Variants in LMO7 observed in about 807,000 individuals in gnomAD.
LMO7 encodes LIM domain only protein 7.
In LMO7, 120 loss-of-function variants were observed where a neutral mutation model predicts 206.5. The ratio of observed to expected loss-of-function variants is 0.58; its 90% CI spans 0.50 to 0.68. The LOEUF (loss-of-function observed/expected upper bound fraction) is 0.68. LMO7 is among the 30% of genes least tolerant of loss of function. The probability of loss-of-function intolerance (pLI) is 0.00; values close to 1 mark genes in which losing one functional copy is unlikely to be tolerated. For missense variants in LMO7, 1,959 were observed against 1,957.9 expected (o/e 1.00, Z -0.01); for synonymous variants, 706 against 681.5 (o/e 1.04, Z -0.56).
At chr13:75,768,627 A>G (rs2049217015) in intron 4 of LMO7, among the ~76,000 whole-genome samples, 1 of 151,920 alleles carries the variant, frequency 6.6e-6, no homozygotes, top group Non-Finnish European at 1.5e-5. Context: ...AAAGCTTCAC[A>G]TTGTTTGTGA....
At chr13:75,705,978 A>G (rs1263704838) in intron 1 of LMO7, among the ~76,000 whole-genome samples, 1 of 149,578 alleles carries the variant, frequency 6.7e-6, no homozygotes, top group Non-Finnish European at 1.5e-5. Context: ...CTTTCATTCT[A>G]CAGATGGATA....
At chr13:75,848,619 GTATA>G (rs34428363) in intron 26 of LMO7, among the ~76,000 whole-genome samples, 1 of 146,214 alleles carries the variant, frequency 6.8e-6, no homozygotes, top group Non-Finnish European at 1.5e-5. Context: ...TGGATACCCA[GTATA>G]TATATATATA....
intron 25 of LMO7, among the ~76,000 whole-genome samples, chr13:75,845,049 A>C (rs2059880109): frequency 6.6e-6 from 1 of 152,204 alleles, no homozygotes; most frequent in Admixed American, 6.5e-5. Context: ...ACAATTGATC[A>C]ATAACTTATA....
In LMO7 at chr13:75,684,975, ATCT is replaced by A. The variant is rs1292921430; in HGVS notation, c.70-28203_70-28201del. The stretch of plus-strand genomic sequence containing the variant: ...ATTGTAGCGGCCCCTTTAAGGTTTG[ATCT>A]TCTATGGCATTGCGATTTGTTGGGT... On this transcript the variant is annotated intron_variant, in intron 1 of 30. Transcript: ENST00000377534. 9.2e-5 allele frequency among the ~76,000 whole-genome samples: 14 copies of A among 152,074 alleles called. 1 individual carries two copies. Among genetic ancestry groups the A allele is most frequent in the African/African-American group, 3.1e-4 (13 of 41,406 alleles).
At chr13:75,633,839 TCC>T (rs1353652812), upstream of LMO7, among the ~76,000 whole-genome samples, 3 of 120,756 alleles carry the variant, frequency 2.5e-5, no homozygotes, top group South Asian at 2.9e-4. Flanking sequence ...ACGTGTCTTT[TCC>T]TTTTTTTTTT....
intron 25 of LMO7, 46 bp downstream of exon 25, chr13:75,842,962 A>G: frequency 2.5e-6 from 3 of 1,205,672 alleles, no homozygotes; most frequent in South Asian, 2.4e-5. Flanking sequence ...TAATGGCTTC[A>G]GACAATATTC....
At chr13:75,630,548 T>A (rs939754892) in intron 2 of LMO7, among the ~76,000 whole-genome samples, 1 of 152,094 alleles carries the variant, frequency 6.6e-6, no homozygotes, top group Non-Finnish European at 1.5e-5. Flanking sequence ...GTGGCATGCA[T>A]CTGTAGTCCC....
Position 75,805,647 on chromosome 13 carries a change from A to G in LMO7, c.1083A>G (p.Pro361=). 1 of 1,614,094 alleles carries G rather than the reference A, an allele frequency of 6.2e-7. No individual in the cohort carries two copies. The highest frequency in any genetic ancestry group is 8.5e-7 in the Non-Finnish European group (1 of 1,179,894). ...AGCTCAGTCCAGTCATGCCAAACCC[A>G]GGGAATGCTTTTGATCAGTTTCTTC... ...VRKLSPVMPN[P]GNAFDQFLPK... The change falls in exon 9 of 31, where the codon CCA becomes CCG. Residue 361 remains proline, a synonymous_variant. Coordinates refer to ENST00000377534, the MANE Select transcript of LMO7 (RefSeq NM_001306080.2).
chr13:75,742,189 A>G (rs943234820), intron 3 of LMO7, among the ~76,000 whole-genome samples: 2 of 152,224 alleles, frequency 1.3e-5, no homozygotes, highest in African/African-American at 4.8e-5. Flanking sequence ...GATCTCTACA[A>G]TGAGAACTAC....
chr13:75,825,664 C>G (rs2058052602), intron 15 of LMO7, among the ~76,000 whole-genome samples: 1 of 152,100 alleles, frequency 6.6e-6, no homozygotes, highest in East Asian at 1.9e-4. Flanking sequence ...ATCTCTGATG[C>G]TTGGTGTGTC....
chr13:75,853,888 TA>T (rs1399933512), intron 28 of LMO7, among the ~76,000 whole-genome samples: 1 of 152,216 alleles, frequency 6.6e-6, no homozygotes, highest in Non-Finnish European at 1.5e-5. Context: ...CTAGCTGGAT[TA>T]AAGAAATGCA....
chr13:75,709,229 GTTA>G (rs1249240522), intron 1 of LMO7, among the ~76,000 whole-genome samples: 2 of 152,174 alleles, frequency 1.3e-5, no homozygotes, highest in African/African-American at 4.8e-5. Flanking sequence ...CCTAGTCTTT[GTTA>G]TTGTGAAAAG....
chr13:75,733,495 G>T (rs1198105020), intron 3 of LMO7, among the ~76,000 whole-genome samples: 1 of 152,210 alleles, frequency 6.6e-6, no homozygotes, highest in Non-Finnish European at 1.5e-5. Context: ...CAGTATTGAG[G>T]TGGGAGTGAC....
chr13:75,713,603 G>A (rs1489576647), intron 2 of LMO7, among the ~76,000 whole-genome samples: 7 of 152,180 alleles, frequency 4.6e-5, no homozygotes, highest in Admixed American at 2.6e-4. Context: ...GGGTAGAATT[G>A]CCTGGTTTGG....
chr13:75,679,627 C>T (rs977712900), intron 1 of LMO7, among the ~76,000 whole-genome samples: 2 of 152,170 alleles, frequency 1.3e-5, no homozygotes, highest in African/African-American at 4.8e-5. Context: ...GTCACCCAGG[C>T]TAGGGTGCAG....
intron 4 of LMO7, among the ~76,000 whole-genome samples, chr13:75,786,658 T>C (rs1175704590): frequency 6.6e-6 from 1 of 152,142 alleles, no homozygotes; most frequent in African/African-American, 2.4e-5. Flanking sequence ...GTGCTTGGAT[T>C]ACAGGCGTGA....
intron 4 of LMO7, among the ~76,000 whole-genome samples, chr13:75,762,111 A>G (rs2048294064): frequency 2.0e-5 from 3 of 152,286 alleles, no homozygotes; most frequent in Middle Eastern, 3.4e-3. Context: ...AAGTCTAACA[A>G]TATATGTTTT....
chr13:75,828,470 T>C (rs1425293791), intron 15 of LMO7, among the ~76,000 whole-genome samples: 15 of 152,186 alleles, frequency 9.9e-5, no homozygotes, highest in Admixed American at 9.8e-4. Context: ...GCTGTGTCTT[T>C]AGAATTTTAG....
chr13:75,666,497 A>G (rs192266134), intron 1 of LMO7, among the ~76,000 whole-genome samples: 3 of 152,250 alleles, frequency 2.0e-5, no homozygotes, highest in East Asian at 3.9e-4. Flanking sequence ...TTGGTGACCT[A>G]TGGTGGTGTA....
Sources: allele counts gnomAD v4.1 joint callset (sites outside exome capture counted in the v4.1 genomes callset), GRCh38; gene constraint gnomAD v4.1.1; transcripts MANE v1.5; gene names NCBI Gene and HGNC (gene_info 2026-07-23, HGNC 2026-07-21).